Variants in OPCML observed in about 807,000 individuals in gnomAD.
OPCML encodes opioid binding protein/cell adhesion molecule like.
A neutral mutation model predicts 37.8 loss-of-function variants in OPCML; 13 were observed. The observed-to-expected ratio is 0.34, with a 90% confidence interval of 0.22 to 0.55. The LOEUF (loss-of-function observed/expected upper bound fraction) is 0.55, where lower values mean the gene tolerates loss of function less well. Among genes scored for constraint, OPCML ranks in the 20% least tolerant of loss-of-function variants. OPCML has a pLI of 0.91. For missense variants in OPCML, 341 were observed against 435.6 expected (o/e 0.78, Z 1.93); for synonymous variants, 176 against 168.8 (o/e 1.04, Z -0.33).
intron 1 of OPCML, among the ~76,000 whole-genome samples, chr11:133,427,455 CA>C (rs1002413070): frequency 3.8e-4 from 57 of 151,806 alleles, no homozygotes; most frequent in East Asian, 3.3e-3. Flanking sequence ...AAAATGAAGA[CA>C]AAACTTACCA....
At chr11:132,487,191 G>A (rs187227940) in intron 4 of OPCML, among the ~76,000 whole-genome samples, 199 of 152,236 alleles carry the variant, frequency 1.3e-3, no homozygotes, top group Non-Finnish European at 1.7e-3. Context: ...AGGTTGACTC[G>A]GGTCACTGAG....
intron 1 of OPCML, among the ~76,000 whole-genome samples, chr11:132,973,867 A>G (rs1946398702): frequency 6.7e-6 from 1 of 149,292 alleles, no homozygotes; most frequent in Non-Finnish European, 1.5e-5. Flanking sequence ...CACGGAGTGG[A>G]TCTGGCCTAG....
chr11:133,170,123 T>C (rs1412435703), intron 1 of OPCML, among the ~76,000 whole-genome samples: 4 of 152,212 alleles, frequency 2.6e-5, no homozygotes, highest in African/African-American at 9.6e-5. Context: ...ACAAATATTA[T>C]CTACCTAACT....
chr11:133,345,780 C>T (rs1470261789), intron 1 of OPCML, among the ~76,000 whole-genome samples: 1 of 152,168 alleles, frequency 6.6e-6, no homozygotes, highest in African/African-American at 2.4e-5. Context: ...GGCTCAAGCC[C>T]ACCCAGGCCT....
intron 2 of OPCML, among the ~76,000 whole-genome samples, chr11:132,687,884 T>A (rs889945232): frequency 2.0e-5 from 3 of 152,170 alleles, no homozygotes; most frequent in Non-Finnish European, 4.4e-5. Context: ...AAATGTTTGG[T>A]ATAAAACAGA....
At chr11:132,438,083 TC>T (rs2096019204) in intron 4 of OPCML, among the ~76,000 whole-genome samples, 1 of 152,234 alleles carries the variant, frequency 6.6e-6, no homozygotes, top group Admixed American at 6.5e-5. Context: ...GGATTCATTC[TC>T]AGGTACTTGT....
intron 1 of OPCML, among the ~76,000 whole-genome samples, chr11:133,508,158 A>T (rs1591579993): frequency 6.6e-6 from 1 of 152,262 alleles, no homozygotes; most frequent in African/African-American, 2.4e-5. Flanking sequence ...CCTGATATGC[A>T]GCCCAGGTTG....
chr11:132,653,797 G>A (rs1941557978), intron 3 of OPCML, among the ~76,000 whole-genome samples: 1 of 152,162 alleles, frequency 6.6e-6, no homozygotes, highest in African/African-American at 2.4e-5. Context: ...ATGGCATCTG[G>A]TTGGCAGAAG....
chr11:133,295,944 A>T (rs1942618593), intron 1 of OPCML, among the ~76,000 whole-genome samples: 1 of 152,210 alleles, frequency 6.6e-6, no homozygotes, highest in Admixed American at 6.5e-5. Flanking sequence ...CATCTGCCAG[A>T]TTTCCTCATT....
At chr11:132,629,226 T>G (rs1395574356) in intron 3 of OPCML, among the ~76,000 whole-genome samples, 1 of 152,166 alleles carries the variant, frequency 6.6e-6, no homozygotes, top group Non-Finnish European at 1.5e-5. Context: ...GTGAATATAA[T>G]GAACTTCTTC....
chr11:133,422,428 C>G, intron 1 of OPCML: 1 of 965,608 alleles, frequency 1.0e-6, no homozygotes, highest in Non-Finnish European at 1.2e-6. Context: ...CTTGCCCCAC[C>G]TCTCTATCAT....
intron 2 of OPCML, among the ~76,000 whole-genome samples, chr11:132,932,776 T>A (rs1395495967): frequency 6.6e-6 from 1 of 151,404 alleles, no homozygotes; most frequent in Non-Finnish European, 1.5e-5. Flanking sequence ...GTGCTCTTGC[T>A]GCAATGTAAA....
intron 3 of OPCML, among the ~76,000 whole-genome samples, chr11:132,536,963 G>A (rs2096342430): frequency 6.6e-6 from 1 of 152,120 alleles, no homozygotes; most frequent in Non-Finnish European, 1.5e-5. Flanking sequence ...TTGTTAATTT[G>A]TTTTGGTTAA....
At chr11:133,330,079 G>GA (rs1943581100) in intron 1 of OPCML, among the ~76,000 whole-genome samples, 1 of 152,150 alleles carries the variant, frequency 6.6e-6, no homozygotes, top group Non-Finnish European at 1.5e-5. Flanking sequence ...AACAACACAT[G>GA]AAAAAATGCT....
chr11:133,120,237 TAC>T (rs538167759), intron 1 of OPCML, among the ~76,000 whole-genome samples: 1 of 152,176 alleles, frequency 6.6e-6, no homozygotes, highest in Non-Finnish European at 1.5e-5. Context: ...CAAACACACA[TAC>T]ACACACGCAC....
intron 1 of OPCML, among the ~76,000 whole-genome samples, chr11:133,001,000 C>G (rs1287168063): frequency 6.6e-6 from 1 of 152,146 alleles, no homozygotes; most frequent in Non-Finnish European, 1.5e-5. Context: ...TCCCCTTTGC[C>G]TTCCGCCATG....
chr11:132,521,420 G>A (rs2096293429), intron 4 of OPCML, among the ~76,000 whole-genome samples: 1 of 152,048 alleles, frequency 6.6e-6, no homozygotes, highest in South Asian at 2.1e-4. Flanking sequence ...TCTTTCAATT[G>A]CTTTTGGTGT....
At chr11:133,083,856 G>A (rs1269517435) in intron 1 of OPCML, among the ~76,000 whole-genome samples, 1 of 152,178 alleles carries the variant, frequency 6.6e-6, no homozygotes, top group Non-Finnish European at 1.5e-5. Context: ...GATGAACTTG[G>A]TAGATGTCCC....
At chr11:132,875,446 A>G (rs1463852871) in intron 2 of OPCML, among the ~76,000 whole-genome samples, 2 of 151,778 alleles carry the variant, frequency 1.3e-5, no homozygotes, top group African/African-American at 4.8e-5. Flanking sequence ...TCCATCTGCC[A>G]ATGTATTTAC....
Sources: gnomAD v4.1 joint callset for allele counts (sites outside exome capture counted in the v4.1 genomes callset) on GRCh38, gnomAD v4.1.1 for gene constraint, MANE v1.5 for transcripts, NCBI Gene and HGNC (gene_info 2026-07-23, HGNC 2026-07-21) for gene names.